PRMT7: variants seen among roughly 807,000 people sequenced by gnomAD.
PRMT7 encodes the protein protein arginine methyltransferase 7.
A neutral mutation model predicts 85.4 loss-of-function variants in PRMT7; 75 were observed. That is an observed-to-expected ratio of 0.88 (90% confidence interval 0.73 to 1.06). The LOEUF is 1.06. PRMT7 is among the 50% of genes least tolerant of loss of function. The pLI is 0.00. For missense variants in PRMT7, 868 were observed against 915.2 expected (o/e 0.95, Z 0.67); for synonymous variants, 397 against 359.5 (o/e 1.10, Z -1.18).
At position 68,315,988 on chromosome 16, in the gene PRMT7, C is replaced by T; in HGVS notation, c.9C>T (p.Ile3=). The stretch of plus-strand genomic sequence containing the variant: ...GGGAGCTAGTGGGCACCATGAAGAT[C>T]TTCTGCAGTCGGGCCAATCCGACCA... The part of the protein sequence containing the change: MK[I]FCSRANPTTG... The change falls in exon 3 of 19, where the codon ATC becomes ATT. Residue 3 remains isoleucine (I), a synonymous_variant. Coordinates refer to ENST00000441236, the MANE Select transcript of PRMT7 (RefSeq NM_019023.5). 6.2e-7 allele frequency: 1 copy of T among 1,613,562 alleles called. No individual in the cohort carries two copies. The highest frequency in any genetic ancestry group is 1.7e-5 in the Admixed American group (1 of 60,020).
At chr16:68,321,771 C>CT (rs1011541376) in intron 4 of PRMT7, 10 of 264,298 alleles carry the variant, frequency 3.8e-5, no homozygotes, top group African/African-American at 2.0e-4. Context: ...CCGCCTCATA[C>CT]TTTTTTGTGT....
chr16:68,360,606 G>A (rs2089200111), downstream of PRMT7: 1 of 153,230 alleles, frequency 6.5e-6, no homozygotes, highest in East Asian at 1.9e-4. Context: ...GAGACCCTGG[G>A]AAGAGCCCTG....
chr16:68,314,067 A>G (rs1354921369), intron 2 of PRMT7, among the ~76,000 whole-genome samples: 1 of 152,216 alleles, frequency 6.6e-6, no homozygotes, highest in Non-Finnish European at 1.5e-5. Context: ...CTCATTTTAA[A>G]GTATATTTCT....
chr16:68,352,338 C>T lies in PRMT7; in HGVS notation c.1504C>T (p.Gln502Ter). The change falls in exon 15 of 19, where the codon CAG becomes TAG. Residue 502 changes from glutamine (Q) to a stop codon, truncating the protein, a stop_gained. Coordinates refer to ENST00000441236, the MANE Select transcript of PRMT7 (RefSeq NM_019023.5). LOFTEE classifies it high-confidence loss of function. ...YFWYVRTAVD[Q>*]HLGPGAMVMP... ...CTGGTACGTGCGGACCGCTGTGGAC[C>T]AGCACCTGGGGCCAGGTGCCATGGT... The T allele has an allele frequency of 2.5e-6, 4 of 1,612,390 alleles. No individual in the cohort carries two copies. Among genetic ancestry groups the T allele is most frequent in the Non-Finnish European group, 3.4e-6 (4 of 1,180,000 alleles).
intron 13 of PRMT7, 44 bp downstream of exon 13, chr16:68,347,722 G>T: frequency 1.9e-6 from 3 of 1,588,856 alleles, no homozygotes; most frequent in Non-Finnish European, 2.6e-6. Context: ...AGGACCTGTG[G>T]GGTCTGGGTT....
At chr16:68,348,275 A>ATT in intron 13 of PRMT7, 67 bp from the exon 14 acceptor site, 1 of 1,288,970 alleles carries the variant, frequency 7.8e-7, no homozygotes, top group Non-Finnish European at 1.1e-6. Context: ...ACTTTGAGAG[A>ATT]TTTTTTTTTC....
intron 6 of PRMT7, among the ~76,000 whole-genome samples, chr16:68,330,438 G>A (rs931768554): frequency 6.6e-6 from 1 of 151,874 alleles, no homozygotes; most frequent in Non-Finnish European, 1.5e-5. Context: ...TGGGACTACA[G>A]GTGTGCACTA....
intron 1 of PRMT7, 22 bp downstream of exon 1, chr16:68,311,121 G>T (rs186374132): frequency 4.4e-6 from 3 of 688,622 alleles, no homozygotes; most frequent in Non-Finnish European, 7.9e-6. Flanking sequence ...GGTATGCTGG[G>T]AAGGTGGGGT....
chr16:68,337,636 A>G (rs2084898338), intron 7 of PRMT7, 65 bp downstream of exon 7: 4 of 1,102,308 alleles, frequency 3.6e-6, no homozygotes, highest in East Asian at 2.5e-5. Context: ...GCACTCACTC[A>G]TGCACCGTGT....
chr16:68,315,548 C>A, intron 2 of PRMT7: 1 of 230,698 alleles, frequency 4.3e-6, no homozygotes, highest in South Asian at 5.3e-5. Flanking sequence ...TTAACAGTAC[C>A]CCATCTCTTC....
In PRMT7 at chr16:68,312,619, A is replaced by G. The variant is rs183160434; in HGVS notation, c.-84+443A>G. Among the ~76,000 whole-genome samples, 1,021 of 152,222 alleles carry G rather than the reference A, an allele frequency of 6.7e-3. 11 individuals carry two copies. Among genetic ancestry groups the G allele is most frequent in the Non-Finnish European group, 0.012 (809 of 68,014 alleles). ...ATTAGGGCTTGGCATGGTGGTTTCT[A>G]TTTCCTCCTTGTAAATGGCCATGCA... is the stretch of plus-strand genomic sequence containing the variant. On this transcript the variant is annotated intron_variant, in intron 2 of 18. Coordinates refer to ENST00000441236, the MANE Select transcript of PRMT7 (RefSeq NM_019023.5).
chr16:68,317,247 A>G (rs1472175828), intron 3 of PRMT7, among the ~76,000 whole-genome samples: 2 of 151,568 alleles, frequency 1.3e-5, no homozygotes, highest in Non-Finnish European at 2.9e-5. Context: ...CAAAAAAAAA[A>G]AAAAAAAAAT....
At position 68,329,823 on chromosome 16, in the gene PRMT7, G is replaced by C. The variant is rs372828993; in HGVS notation, c.391+649G>C. Among the ~76,000 whole-genome samples, 6 of 151,656 alleles carry C rather than the reference G, an allele frequency of 4.0e-5. No individual in the cohort carries two copies. The East Asian group carries it at 1.2e-3, about 29-fold the overall frequency. On this transcript the variant is annotated intron_variant, in intron 6 of 18. Coordinates refer to ENST00000441236, the MANE Select transcript of PRMT7 (RefSeq NM_019023.5). The stretch of plus-strand genomic sequence containing the variant: ...GACATTCTGCTTCTGCATACAACAT[G>C]AACAATTTTCCTGTATAGCATTGTC...
chr16:68,324,783 T>C lies in PRMT7; in HGVS notation c.233T>C (p.Leu78Ser). 1 of 1,614,164 alleles carries C rather than the reference T, an allele frequency of 6.2e-7. No homozygotes were observed. The highest frequency in any genetic ancestry group is 8.5e-7 in the Non-Finnish European group (1 of 1,180,012). Reference protein sequence around the residue: ...VLDIGTGTGLLSMMAVTAGAD... With the variant: ...VLDIGTGTGLSSMMAVTAGAD... Reference sequence around the variant, plus strand: ...GACATTGGCACTGGCACGGGACTCTTGTCAATGATGGCGGTCACAGCAGGT... The same window carrying C: ...GACATTGGCACTGGCACGGGACTCTCGTCAATGATGGCGGTCACAGCAGGT... Residue 78 changes from leucine to serine, a missense_variant, in exon 5 of 19, where the codon TTG becomes TCG. Transcript: ENST00000441236.
At chr16:68,322,533 C>G in intron 4 of PRMT7, 1 of 340,874 alleles carries the variant, frequency 2.9e-6, no homozygotes, top group Non-Finnish European at 6.1e-6. Flanking sequence ...TATCTTTGTT[C>G]TAGTCTAGGG....
chr16:68,338,222 A>C (rs1012001545), intron 7 of PRMT7, among the ~76,000 whole-genome samples: 2 of 152,090 alleles, frequency 1.3e-5, no homozygotes, highest in African/African-American at 4.8e-5. Flanking sequence ...ACGCTGTGGT[A>C]CAGTGGGCCT....
intron 15 of PRMT7, 176 bp from the exon 16 acceptor site, chr16:68,353,316 G>A: frequency 6.5e-6 from 9 of 1,383,634 alleles, no homozygotes; most frequent in Non-Finnish European, 8.5e-6. Context: ...GCAGGTTCCC[G>A]CCCAGCCCAG....
rs1597412680 is a variant in PRMT7, at chr16:68,345,984, G to C, written c.1056-161G>C. 16 of 1,325,818 alleles carry C rather than the reference G, an allele frequency of 1.2e-5. No individual in the cohort carries two copies. In the East Asian group the frequency reaches 3.6e-4, roughly 30 times the overall value. 82.1% of individuals were successfully genotyped at this position (1,325,818 alleles called of 1,614,324 possible). A position where few individuals can be genotyped will look rare whatever the true frequency, so the allele number is the denominator to read the frequency against. ...TGTGTACCCAGGAGAGGCTGTCATG[G>C]GTTGCTGGAATCTGTTTAGAGCAGA... On this transcript the variant is annotated intron_variant, in intron 10 of 18. Coordinates refer to ENST00000441236, the MANE Select transcript of PRMT7 (RefSeq NM_019023.5).
Position 68,346,277 on chromosome 16 carries a change from G to A in PRMT7, c.1188G>A (p.Arg396=). 1 of 1,614,222 alleles carries A rather than the reference G, an allele frequency of 6.2e-7. No homozygotes were observed. The highest frequency in any genetic ancestry group is 8.5e-7 in the Non-Finnish European group (1 of 1,180,024). ...DRTDRYVQAL[R]TVLKPDSVCL... ...CTGATCGATACGTCCAGGCTCTGAG[G>A]ACCGTAAGTGTCCAGCCCCTTGGCT... is the stretch of plus-strand genomic sequence containing the variant. The change falls in exon 11 of 19, where the codon AGG becomes AGA. Residue 396 remains arginine, a synonymous_variant. Transcript: ENST00000441236.
Sources: gnomAD v4.1 joint callset for allele counts (sites outside exome capture counted in the v4.1 genomes callset) on GRCh38, gnomAD v4.1.1 for gene constraint, MANE v1.5 for transcripts, NCBI Gene and HGNC (gene_info 2026-07-23, HGNC 2026-07-21) for gene names.